Variants in PTPRT observed in about 807,000 individuals in gnomAD.
PTPRT encodes protein tyrosine phosphatase receptor type T.
Under a neutral mutation model 176.8 loss-of-function variants are expected in PTPRT, and 56 were observed. That is an observed-to-expected ratio of 0.32 (90% CI 0.26 to 0.40). The LOEUF (loss-of-function observed/expected upper bound fraction) is 0.40. Ranked by LOEUF, PTPRT falls within the 10% of genes least tolerant of loss-of-function variation. The probability of loss-of-function intolerance (pLI) is 1.00; values close to 1 mark genes in which losing one functional copy is unlikely to be tolerated. For synonymous variants in PTPRT, 783 were observed against 739.0 expected (o/e 1.06, Z -0.96); for missense variants, 1,540 against 1,908.2 (o/e 0.81, Z 3.60).
At chr20:42,666,444 A>G (rs2075318761) in intron 7 of PTPRT, among the ~76,000 whole-genome samples, 1 of 152,166 alleles carries the variant, frequency 6.6e-6, no homozygotes, top group Non-Finnish European at 1.5e-5. Context: ...AGTTTTTACA[A>G]ATGTTGACAT....
intron 27 of PTPRT, 145 bp downstream of exon 27, chr20:42,098,276 G>T (rs984587345): frequency 2.2e-5 from 25 of 1,140,976 alleles, no homozygotes; most frequent in Admixed American, 1.3e-4. Flanking sequence ...AGAATGGCTT[G>T]TCTGATGCTC....
intron 1 of PTPRT, among the ~76,000 whole-genome samples, chr20:43,070,137 T>G (rs1235769165): frequency 1.3e-5 from 2 of 152,108 alleles, no homozygotes; most frequent in East Asian, 3.9e-4. Flanking sequence ...TGCTCCCAAC[T>G]CTCCAAACTT....
In PTPRT at chr20:42,199,328, C is replaced by T; in HGVS notation, c.2403G>A (p.Val801=). 6.2e-7 allele frequency: 1 copy of T among 1,614,140 alleles called. No homozygotes were observed. Among genetic ancestry groups the T allele is most frequent in the Non-Finnish European group, 8.5e-7 (1 of 1,180,000 alleles). The change falls in exon 16 of 31, where the codon GTG becomes GTA. Residue 801 remains valine (V), a synonymous_variant. Transcript: ENST00000373187. Reference sequence around the variant, plus strand: ...TGGTGGTGGGTTTGTCGGCAGAGGCCACAGGCCCCATCTCCCTCTGGGCTC... The same window carrying T: ...TGGTGGTGGGTTTGTCGGCAGAGGCTACAGGCCCCATCTCCCTCTGGGCTC... The part of the protein sequence containing the change: ...QSGAQREMGP[V]ASADKPTTKL...
chr20:42,775,917 G>A (rs1289321030), intron 4 of PTPRT, among the ~76,000 whole-genome samples: 1 of 152,174 alleles, frequency 6.6e-6, no homozygotes, highest in African/African-American at 2.4e-5. Flanking sequence ...CCATCTATGA[G>A]TGAAGTCATA....
rs138866299 is a variant in PTPRT, at chr20:42,557,727, C to T, written c.1154-85165G>A. 5.4e-3 allele frequency among the ~76,000 whole-genome samples: 824 copies of T among 152,104 alleles called. 7 individuals are homozygous for T. Among genetic ancestry groups the T allele is most frequent in the African/African-American group, 0.018 (759 of 41,496 alleles). On this transcript the variant is annotated intron_variant, in intron 7 of 30. Coordinates refer to ENST00000373187, the MANE Select transcript of PTPRT (RefSeq NM_007050.6). ...AAACTATCAAGCAAAAATAGACATA[C>T]GAAGAAAATGGTTGAGTTTCCTATG...
At chr20:43,008,419 G>T (rs1302315536) in intron 1 of PTPRT, among the ~76,000 whole-genome samples, 1 of 152,130 alleles carries the variant, frequency 6.6e-6, no homozygotes, top group African/African-American at 2.4e-5. Flanking sequence ...CAGGCAAGAT[G>T]GCTCACAACT....
intron 1 of PTPRT, among the ~76,000 whole-genome samples, chr20:43,047,505 G>C (rs1035654473): frequency 6.6e-6 from 1 of 152,058 alleles, no homozygotes; most frequent in African/African-American, 2.4e-5. Flanking sequence ...CTCTTGGGGG[G>C]CAGGAAAATA....
At chr20:42,205,690 T>C (rs1053774312) in intron 15 of PTPRT, among the ~76,000 whole-genome samples, 9 of 152,106 alleles carry the variant, frequency 5.9e-5, no homozygotes, top group African/African-American at 1.7e-4. Flanking sequence ...GAGACACTGA[T>C]CAGGCACTCT....
At position 42,073,194 on chromosome 20, in the gene PTPRT, G is replaced by A. The variant is rs1476307568; in HGVS notation, c.*7685C>T. On this transcript the variant is annotated 3_prime_UTR_variant, in exon 31 of 31. Coordinates refer to ENST00000373187, the MANE Select transcript of PTPRT (RefSeq NM_007050.6). ...TGTCAGCCTCCCTGGAGTTGAGCGG[G>A]AACCTTGGGATAGCTTGTGAGGGTG... 5.2e-6 allele frequency: 1 copy of A among 190,698 alleles called. No homozygotes were observed. Among genetic ancestry groups the A allele is most frequent in the Non-Finnish European group, 1.1e-5 (1 of 90,682 alleles). 11.8% of individuals were successfully genotyped at this position (190,698 alleles called of 1,614,324 possible). A position where few individuals can be genotyped will look rare whatever the true frequency, so the allele number is the denominator to read the frequency against.
chr20:42,808,537 C>G (rs1413117810), intron 2 of PTPRT, among the ~76,000 whole-genome samples: 2 of 152,096 alleles, frequency 1.3e-5, no homozygotes, highest in Non-Finnish European at 2.9e-5. Flanking sequence ...AGGACCAAAG[C>G]AAGTCCTTGA....
chr20:43,034,784 C>G lies in PTPRT; in HGVS notation c.89-148852G>C, dbSNP rs543231861. On this transcript the variant is annotated intron_variant, in intron 1 of 30. Transcript: ENST00000373187. ...CTAATGCTCCACCTCTCCTGTTGAC[C>G]AAACCCAAGGAATTCCCCACTTCAG... is the stretch of plus-strand genomic sequence containing the variant. Among the ~76,000 whole-genome samples the G allele has an allele frequency of 2.0e-5, 3 of 152,072 alleles. No individual in the cohort carries two copies. In the South Asian group the frequency reaches 6.2e-4, roughly 32 times the overall value.
chr20:42,361,941 T>A (rs1422405552), intron 9 of PTPRT, among the ~76,000 whole-genome samples: 1 of 152,216 alleles, frequency 6.6e-6, no homozygotes, highest in Non-Finnish European at 1.5e-5. Context: ...TTAAAGAGCA[T>A]CGGCAATATT....
intron 6 of PTPRT, among the ~76,000 whole-genome samples, chr20:42,690,505 A>G (rs2075775218): frequency 6.6e-6 from 1 of 152,142 alleles, no homozygotes; most frequent in South Asian, 2.1e-4. Flanking sequence ...GAATGTAAGG[A>G]GCAAGGCATA....
intron 6 of PTPRT, among the ~76,000 whole-genome samples, chr20:42,695,730 T>G (rs772757136): frequency 6.6e-6 from 1 of 152,170 alleles, no homozygotes; most frequent in East Asian, 1.9e-4. Context: ...AATGATTCAT[T>G]AGTAAGCAGC....
chr20:42,226,633 C>T (rs1033786428), intron 15 of PTPRT, among the ~76,000 whole-genome samples: 6 of 152,200 alleles, frequency 3.9e-5, no homozygotes, highest in Admixed American at 2.6e-4. Flanking sequence ...ATCTTTGCTA[C>T]AGCTCTAGCT....
rs758255021 is a variant in PTPRT at position 42,780,288 on chromosome 20, T to A, written c.498A>T (p.Glu166Asp). ...CAGGATGACCCTTCAATGAGACGGA[T>A]TCAAATATCACCTGCAACACACAGG... The part of the protein sequence containing the change: ...FWPHFYQVIF[E>D]SVSLKGHPGY... The change falls in exon 4 of 31, where the codon GAA becomes GAT. Residue 166 changes from glutamate to aspartate, a missense_variant. Coordinates refer to ENST00000373187, the MANE Select transcript of PTPRT (RefSeq NM_007050.6). 1 of 1,613,764 alleles carries A rather than the reference T, an allele frequency of 6.2e-7. No homozygotes were observed. The highest frequency in any genetic ancestry group is 1.1e-5 in the South Asian group (1 of 91,074).
intron 5 of PTPRT, among the ~76,000 whole-genome samples, chr20:42,767,975 T>TACAC (rs1491456646): frequency 3.1e-5 from 3 of 97,266 alleles, no homozygotes; most frequent in Non-Finnish European, 6.0e-5. Flanking sequence ...TATATAAAAT[T>TACAC]ATACACACAC....
chr20:42,137,865 T>C (rs758421284), intron 18 of PTPRT, among the ~76,000 whole-genome samples: 2 of 152,214 alleles, frequency 1.3e-5, no homozygotes, highest in Non-Finnish European at 2.9e-5. Flanking sequence ...CCTGACCTCA[T>C]GTCTAAGACC....
At chr20:42,708,387 A>G (rs1052629848) in intron 6 of PTPRT, among the ~76,000 whole-genome samples, 15 of 152,200 alleles carry the variant, frequency 9.9e-5, no homozygotes, top group Non-Finnish European at 1.5e-4. Context: ...AGAGAACCAC[A>G]TGAGAACTGA....
Sources: allele counts gnomAD v4.1 joint callset (sites outside exome capture counted in the v4.1 genomes callset), GRCh38; gene constraint gnomAD v4.1.1; transcripts MANE v1.5; gene names NCBI Gene and HGNC (gene_info 2026-07-23, HGNC 2026-07-21).